Variants in RIMS2 observed in about 807,000 individuals in gnomAD.
The protein encoded by RIMS2 is regulating synaptic membrane exocytosis 2, also known as regulating synaptic membrane exocytosis protein 2.
A neutral mutation model predicts 174.4 loss-of-function variants in RIMS2; 59 were observed. The observed-to-expected ratio is 0.34, with a 90% confidence interval of 0.27 to 0.42. The LOEUF (loss-of-function observed/expected upper bound fraction) is 0.42. Ranked by LOEUF, RIMS2 falls within the 10% of genes least tolerant of loss-of-function variation. RIMS2 has a pLI of 1.00. For missense variants in RIMS2, 1,620 were observed against 1,666.3 expected (o/e 0.97, Z 0.48); for synonymous variants, 606 against 572.5 (o/e 1.06, Z -0.84).
chr8:103,713,699 T>A (rs756673919), intron 2 of RIMS2, among the ~76,000 whole-genome samples: 1 of 152,208 alleles, frequency 6.6e-6, no homozygotes, highest in Non-Finnish European at 1.5e-5. Flanking sequence ...TATAGTGATT[T>A]GTAAAATGCA....
At chr8:104,103,610 G>C (rs2097956060) in intron 19 of RIMS2, among the ~76,000 whole-genome samples, 1 of 151,300 alleles carries the variant, frequency 6.6e-6, no homozygotes, top group Non-Finnish European at 1.5e-5. Flanking sequence ...TTTTTCATCT[G>C]TGCGTATATT....
intron 10 of RIMS2, among the ~76,000 whole-genome samples, chr8:103,926,307 C>T (rs1464798772): frequency 2.6e-5 from 4 of 151,560 alleles, no homozygotes; most frequent in Non-Finnish European, 4.4e-5. Context: ...TCCCCTCTGT[C>T]ATTTGCTAAA....
intron 3 of RIMS2, among the ~76,000 whole-genome samples, chr8:103,810,955 ATATCT>A (rs759909602): frequency 2.0e-5 from 3 of 151,752 alleles, no homozygotes; most frequent in African/African-American, 7.3e-5. Context: ...ATTATTTCTA[ATATCT>A]TATATAATAG....
intron 1 of RIMS2, 54 bp from the exon 3 acceptor site, chr8:103,652,570 C>A: frequency 3.1e-6 from 3 of 957,744 alleles, no homozygotes; most frequent in South Asian, 2.6e-5. Context: ...AAAACGTTAA[C>A]CTACATTGTT....
chr8:103,713,974 G>A (rs2097339382), intron 2 of RIMS2, among the ~76,000 whole-genome samples: 1 of 152,032 alleles, frequency 6.6e-6, no homozygotes, highest in Non-Finnish European at 1.5e-5. Flanking sequence ...CCCACTTGAT[G>A]AGCACTTACT....
intron 3 of RIMS2, among the ~76,000 whole-genome samples, chr8:103,851,221 T>C (rs1216176770): frequency 1.3e-5 from 2 of 151,938 alleles, no homozygotes; most frequent in African/African-American, 4.8e-5. Flanking sequence ...AGTTTTCTTT[T>C]TGATAATTCT....
At chr8:104,143,783 T>C (rs934497495) in intron 19 of RIMS2, among the ~76,000 whole-genome samples, 5 of 152,210 alleles carry the variant, frequency 3.3e-5, no homozygotes, top group African/African-American at 1.2e-4. Context: ...AATTCTCCAT[T>C]GTATTAGCTG....
At chr8:104,017,320 G>A (rs1390865274) in intron 19 of RIMS2, among the ~76,000 whole-genome samples, 2 of 151,738 alleles carry the variant, frequency 1.3e-5, no homozygotes, top group Non-Finnish European at 2.9e-5. Flanking sequence ...TTAAAGTATT[G>A]AAATATTTAT....
chr8:103,827,295 CTT>C (rs1267371273), intron 3 of RIMS2, among the ~76,000 whole-genome samples: 2 of 152,142 alleles, frequency 1.3e-5, no homozygotes, highest in Non-Finnish European at 2.9e-5. Flanking sequence ...TAAAATCTAA[CTT>C]ATTTTTAATA....
chr8:103,698,831 T>G (rs922510683), intron 2 of RIMS2, among the ~76,000 whole-genome samples: 19 of 152,316 alleles, frequency 1.2e-4, no homozygotes, highest in Admixed American at 1.2e-3. Flanking sequence ...GTGTCTGTAT[T>G]TTTCTTCCTT....
Position 103,818,168 on chromosome 8 carries a change from T to C in RIMS2, c.698+51631T>C, listed in dbSNP as rs566382605. ...CATGATTATGCCAAAAAAGAATTCA[T>C]AGCTTTTAAAAACTTAATGTATTTA... On this transcript the variant is annotated intron_variant, in intron 3 of 23. Transcript: ENST00000504942. 1.5e-4 allele frequency among the ~76,000 whole-genome samples: 23 copies of C among 152,294 alleles called. No homozygotes were observed. In the South Asian group the frequency reaches 4.8e-3, roughly 32 times the overall value.
intron 19 of RIMS2, among the ~76,000 whole-genome samples, chr8:104,223,065 A>G (rs1009207911): frequency 6.6e-5 from 10 of 152,218 alleles, no homozygotes; most frequent in Non-Finnish European, 1.2e-4. Flanking sequence ...ACCTGAGGAA[A>G]GGGAAAGTGA....
intron 19 of RIMS2, among the ~76,000 whole-genome samples, chr8:104,149,493 C>T (rs2098671652): frequency 6.6e-6 from 1 of 152,128 alleles, no homozygotes; most frequent in Non-Finnish European, 1.5e-5. Context: ...AAATTATATA[C>T]AACACTCCTA....
At chr8:103,904,689 C>G (rs1472961516) in intron 4 of RIMS2, among the ~76,000 whole-genome samples, 1 of 151,964 alleles carries the variant, frequency 6.6e-6, no homozygotes, top group Non-Finnish European at 1.5e-5. Flanking sequence ...ATTCTCTTTG[C>G]TAATATTTTG....
chr8:104,139,035 A>G (rs896044806), intron 19 of RIMS2, among the ~76,000 whole-genome samples: 8 of 152,086 alleles, frequency 5.3e-5, no homozygotes, highest in African/African-American at 1.7e-4. Flanking sequence ...TCTAACCTCA[A>G]TGTATGTTCT....
At chr8:103,724,784 C>T (rs1220812224) in intron 2 of RIMS2, among the ~76,000 whole-genome samples, 2 of 152,058 alleles carry the variant, frequency 1.3e-5, no homozygotes, top group East Asian at 3.9e-4. Flanking sequence ...ATATAGAATT[C>T]CCATATGCAT....
At chr8:103,616,851 C>T (rs574058022) in intron 1 of RIMS2, among the ~76,000 whole-genome samples, 2 of 152,250 alleles carry the variant, frequency 1.3e-5, no homozygotes, top group Admixed American at 1.3e-4. Context: ...AATTACAAAA[C>T]TCTGCTCAAA....
intron 19 of RIMS2, among the ~76,000 whole-genome samples, chr8:104,061,309 C>G (rs964829093): frequency 6.6e-6 from 1 of 152,078 alleles, no homozygotes; most frequent in East Asian, 1.9e-4. Context: ...TGAATTGATC[C>G]CTTTACCATT....
At chr8:103,543,686 A>G (rs1843577781) in intron 1 of RIMS2, among the ~76,000 whole-genome samples, 1 of 152,210 alleles carries the variant, frequency 6.6e-6, no homozygotes, top group Non-Finnish European at 1.5e-5. Context: ...TCCAGAAATA[A>G]ATTCAGGCAT....
Sources: allele counts gnomAD v4.1 joint callset (sites outside exome capture counted in the v4.1 genomes callset), GRCh38; gene constraint gnomAD v4.1.1; transcripts MANE v1.5; gene names NCBI Gene and HGNC (gene_info 2026-07-23, HGNC 2026-07-21).